Variants in GNAI1 observed in about 807,000 individuals in gnomAD.
GNAI1 encodes the protein G protein subunit alpha i1, also known as guanine nucleotide-binding protein G(i) subunit alpha-1.
In GNAI1, 11 loss-of-function variants were observed where a neutral mutation model predicts 38.9. That is an observed-to-expected ratio of 0.28 (90% CI 0.18 to 0.47). The LOEUF is 0.47. GNAI1 is among the 20% of genes least tolerant of loss of function. GNAI1 has a pLI of 0.99. For missense variants in GNAI1, 317 were observed against 436.9 expected, an observed-to-expected ratio of 0.73 and a Z score of 2.45; for synonymous variants, 166 against 145.1, an observed-to-expected ratio of 1.14 and a Z score of -1.04.
chr7:80,181,839 G>A (rs1415761524), intron 1 of GNAI1, among the ~76,000 whole-genome samples: 1 of 152,090 alleles, frequency 6.6e-6, no homozygotes, highest in African/African-American at 2.4e-5. Context: ...ATTAAGTCAG[G>A]CTAATTAACG....
chr7:80,177,160 A>T (rs989338858), intron 1 of GNAI1, among the ~76,000 whole-genome samples: 2 of 148,386 alleles, frequency 1.3e-5, no homozygotes, highest in Non-Finnish European at 3.0e-5. Flanking sequence ...CCTCCCGAGT[A>T]GCTGGGACTA....
At chr7:80,211,120 G>T (rs373658854) in intron 6 of GNAI1, 22 bp downstream of exon 6, 34 of 1,607,798 alleles carry the variant, frequency 2.1e-5, no homozygotes, top group Non-Finnish European at 2.9e-5. Flanking sequence ...TACTTTAAGA[G>T]TTGAGCTTGA....
intron 5 of GNAI1, among the ~76,000 whole-genome samples, chr7:80,207,622 A>C (rs1788797997): frequency 1.3e-5 from 2 of 152,140 alleles, no homozygotes; most frequent in Admixed American, 6.6e-5. Flanking sequence ...TATAGGTTAC[A>C]TGAGCCTCAG....
At chr7:80,183,212 AAGGG>A (rs911221215) in intron 1 of GNAI1, among the ~76,000 whole-genome samples, 1 of 152,216 alleles carries the variant, frequency 6.6e-6, no homozygotes, top group African/African-American at 2.4e-5. Context: ...CTCTAAGAAA[AAGGG>A]AGGGAAATGT....
Position 80,226,048 on chromosome 7 carries a change from G to T in GNAI1, c.*8555G>T, listed in dbSNP as rs1443217282. On this transcript the variant is annotated 3_prime_UTR_variant, in exon 8 of 8. Coordinates refer to ENST00000649796, the MANE Select transcript of GNAI1 (RefSeq NM_002069.6). ...GTATGTTATTTTTGTTTTAAGTTTG[G>T]AAGAACCTGAATGATTAAACCTGAT... Among the ~76,000 whole-genome samples, 6 of 151,762 alleles carry T rather than the reference G, an allele frequency of 4.0e-5. No individual in the cohort carries two copies. The highest frequency in any genetic ancestry group is 8.8e-5 in the Non-Finnish European group (6 of 67,934).
Position 80,135,112 on chromosome 7 carries a change from C to T in GNAI1, c.-49C>T. On this transcript the variant is annotated 5_prime_UTR_variant, in exon 1 of 8. Transcript: ENST00000649796. Reference sequence around the variant, plus strand: ...GAAAGGATTCCCCTGTGCTTGGAGCCCGCACTCGGGCGCGGAGGGAGCGGC... The same window carrying T: ...GAAAGGATTCCCCTGTGCTTGGAGCTCGCACTCGGGCGCGGAGGGAGCGGC... The T allele has an allele frequency of 7.7e-7, 1 of 1,300,970 alleles. No homozygotes were observed. Among genetic ancestry groups the T allele is most frequent in the Non-Finnish European group, 1.0e-6 (1 of 966,338 alleles). 80.6% of individuals were successfully genotyped at this position (1,300,970 alleles called of 1,614,324 possible). A position where few individuals can be genotyped will look rare whatever the true frequency, so the allele number is the denominator to read the frequency against.
chr7:80,175,845 C>T (rs1233523684), intron 1 of GNAI1, among the ~76,000 whole-genome samples: 1 of 152,160 alleles, frequency 6.6e-6, no homozygotes, highest in Admixed American at 6.5e-5. Flanking sequence ...TCTCCTCAAA[C>T]CTCCCTATTT....
intron 5 of GNAI1, among the ~76,000 whole-genome samples, chr7:80,206,594 C>A (rs1788781240): frequency 6.6e-6 from 1 of 151,522 alleles, no homozygotes; most frequent in South Asian, 2.1e-4. Context: ...TTTTTTTTAA[C>A]CTAGTATACC....
intron 5 of GNAI1, among the ~76,000 whole-genome samples, chr7:80,206,037 G>T (rs1437415820): frequency 6.6e-6 from 1 of 152,036 alleles, no homozygotes; most frequent in African/African-American, 2.4e-5. Flanking sequence ...ATCTCATAAA[G>T]AAGTCTCACT....
At chr7:80,187,882 A>G (rs577786467) in intron 1 of GNAI1, among the ~76,000 whole-genome samples, 4 of 152,248 alleles carry the variant, frequency 2.6e-5, no homozygotes, top group South Asian at 2.1e-4. Context: ...GATAGCAGCT[A>G]TTGTTAAGTG....
chr7:80,172,893 G>T (rs1336178559), intron 1 of GNAI1, among the ~76,000 whole-genome samples: 1 of 152,094 alleles, frequency 6.6e-6, no homozygotes, highest in Non-Finnish European at 1.5e-5. Flanking sequence ...AGATGGAACC[G>T]AGGGTAAAGG....
chr7:80,169,213 GT>G (rs1258388008), intron 1 of GNAI1, among the ~76,000 whole-genome samples: 1 of 152,114 alleles, frequency 6.6e-6, no homozygotes, highest in African/African-American at 2.4e-5. Context: ...TTTTGCGGTG[GT>G]TTTCCATCCA....
At chr7:80,169,991 A>G (rs934715878) in intron 1 of GNAI1, among the ~76,000 whole-genome samples, 2 of 152,184 alleles carry the variant, frequency 1.3e-5, no homozygotes, top group Admixed American at 6.5e-5. Context: ...ACATTGTCAC[A>G]TGTATCAGTA....
chr7:80,205,753 T>C (rs1016682937), intron 5 of GNAI1, among the ~76,000 whole-genome samples: 5 of 152,174 alleles, frequency 3.3e-5, no homozygotes, highest in Admixed American at 2.0e-4. Flanking sequence ...TTTACTGTTA[T>C]ATTATTCTGT....
chr7:80,185,947 A>G (rs1238880452), intron 1 of GNAI1, among the ~76,000 whole-genome samples: 1 of 151,692 alleles, frequency 6.6e-6, no homozygotes, highest in Non-Finnish European at 1.5e-5. Flanking sequence ...CTGCCTGTAG[A>G]TATCTATTCC....
intron 1 of GNAI1, among the ~76,000 whole-genome samples, chr7:80,156,097 C>T (rs1047598256): frequency 6.7e-6 from 1 of 149,292 alleles, no homozygotes; most frequent in Admixed American, 6.7e-5. Context: ...TATCAGCAAG[C>T]AAGTCTGCCT....
At chr7:80,150,311 G>A (rs1275775453) in intron 1 of GNAI1, among the ~76,000 whole-genome samples, 1 of 152,070 alleles carries the variant, frequency 6.6e-6, no homozygotes, top group East Asian at 1.9e-4. Context: ...GAGCAGGAAT[G>A]AATAAATAAA....
intron 1 of GNAI1, among the ~76,000 whole-genome samples, chr7:80,172,187 A>T (rs183535889): frequency 6.6e-6 from 1 of 152,218 alleles, no homozygotes; most frequent in East Asian, 1.9e-4. Flanking sequence ...ATGGCTAGTG[A>T]ATAGTTGGAG....
chr7:80,182,067 C>CA (rs1163753992), intron 1 of GNAI1, among the ~76,000 whole-genome samples: 30 of 152,106 alleles, frequency 2.0e-4, no homozygotes, highest in Admixed American at 4.6e-4. Flanking sequence ...TCCTGGTAAT[C>CA]ACAGTTCTAT....
Sources: allele counts gnomAD v4.1 joint callset (sites outside exome capture counted in the v4.1 genomes callset), GRCh38; gene constraint gnomAD v4.1.1; transcripts MANE v1.5; gene names NCBI Gene and HGNC (gene_info 2026-07-23, HGNC 2026-07-21).